Variants in MRPS16 observed in about 807,000 individuals in gnomAD.
MRPS16 encodes the protein small ribosomal subunit protein bS16m.
Under a neutral mutation model 11.0 loss-of-function variants are expected in MRPS16, and 5 were observed. The ratio of observed to expected loss-of-function variants is 0.46; its 90% CI spans 0.24 to 0.96. The LOEUF is 0.96. MRPS16 is among the 40% of genes least tolerant of loss of function. MRPS16 has a pLI of 0.20. For synonymous variants in MRPS16, 76 were observed against 65.0 expected, an observed-to-expected ratio of 1.17 and a Z score of -0.81; for missense variants, 179 against 174.4, an observed-to-expected ratio of 1.03 and a Z score of -0.15.
intron 1 of MRPS16, 63 bp from the exon 2 acceptor site, chr10:73,252,086 G>A (rs1367310008): frequency 1.3e-6 from 2 of 1,565,948 alleles, no homozygotes; most frequent in Non-Finnish European, 1.7e-6. Context: ...TGACACAGAC[G>A]GCACAATTCC....
In MRPS16 at chr10:73,250,806, G is replaced by A; in HGVS notation, c.*46C>T. ...TAAGATCGCTGCAGTGTTTCAAAAG[G>A]ACCTTGACCTTGTTCCCACTGCTAT... On this transcript the variant is annotated 3_prime_UTR_variant, in exon 3 of 3. Coordinates refer to ENST00000372945, the MANE Select transcript of MRPS16 (RefSeq NM_016065.4). 6.2e-7 allele frequency: 1 copy of A among 1,607,958 alleles called. No individual in the cohort carries two copies. The highest frequency in any genetic ancestry group is 1.1e-5 in the South Asian group (1 of 90,864).
chr10:73,249,459 C>G lies in MRPS16; in HGVS notation c.*1393G>C. 2 of 794,202 alleles carry G rather than the reference C, an allele frequency of 2.5e-6. No individual in the cohort carries two copies. Among genetic ancestry groups the G allele is most frequent in the East Asian group, 2.7e-5 (1 of 36,516 alleles). The allele number at this position is 794,202 out of a possible 1,614,324, so 49.2% of individuals were successfully genotyped here. On this transcript the variant is annotated 3_prime_UTR_variant, in exon 3 of 3. Coordinates refer to ENST00000372945, the MANE Select transcript of MRPS16 (RefSeq NM_016065.4). ...AAGATACAAGAAGTAAAATGCAACA[C>G]TCATTACAGGTTGTCAACATTATTG...
In MRPS16 at chr10:73,252,635, G is replaced by A. The variant is rs979348815; in HGVS notation, c.-153C>T. 9 of 1,080,524 alleles carry A rather than the reference G, an allele frequency of 8.3e-6. No individual in the cohort carries two copies. Among genetic ancestry groups the A allele is most frequent in the Admixed American group, 2.1e-5 (1 of 46,726 alleles). 66.9% of individuals were successfully genotyped at this position (1,080,524 alleles called of 1,614,324 possible). A position where few individuals can be genotyped will look rare whatever the true frequency, so the allele number is the denominator to read the frequency against. On this transcript the variant is annotated 5_prime_UTR_variant, in exon 1 of 3. Coordinates refer to ENST00000372945, the MANE Select transcript of MRPS16 (RefSeq NM_016065.4). Reference sequence around the variant, plus strand: ...GTACAAGCCCGAAAACCTCGACTCCGGAAGCGGATGATCCGCTCGCCACGC... The same window carrying A: ...GTACAAGCCCGAAAACCTCGACTCCAGAAGCGGATGATCCGCTCGCCACGC...
At chr10:73,251,670 C>A in intron 2 of MRPS16, 93 bp downstream of exon 2, 1 of 1,571,894 alleles carries the variant, frequency 6.4e-7, no homozygotes. Context: ...CGTGAGCCAC[C>A]GTGCCCAGCC....
intron 2 of MRPS16, among the ~76,000 whole-genome samples, chr10:73,251,437 G>A (rs1017936977): frequency 4.0e-5 from 6 of 151,786 alleles, no homozygotes; most frequent in South Asian, 2.1e-4. Flanking sequence ...GTGCAGTGAC[G>A]CGATCTTGGC....
intron 2 of MRPS16, among the ~76,000 whole-genome samples, chr10:73,251,483 C>T (rs1275977590): frequency 6.6e-6 from 1 of 152,122 alleles, no homozygotes; most frequent in Non-Finnish European, 1.5e-5. Flanking sequence ...TCAAGCGATT[C>T]TCCTGCCTCA....
chr10:73,251,860 G>A lies in MRPS16; in HGVS notation c.177C>T (p.Asn59=), dbSNP rs776136128. 2 of 1,614,192 alleles carry A rather than the reference G, an allele frequency of 1.2e-6. No individual in the cohort carries two copies. The highest frequency in any genetic ancestry group is 1.7e-6 in the Non-Finnish European group (2 of 1,180,046). The change falls in exon 2 of 3, where the codon AAC becomes AAT. Residue 59 remains asparagine, a synonymous_variant. Coordinates refer to ENST00000372945, the MANE Select transcript of MRPS16 (RefSeq NM_016065.4). ...EQLGSYDPLP[N]SHGEKLVALN... ...GGGCAACGAGTTTTTCTCCATGACTGTTGGGCAATGGATCATAGGAGCCCA... is the reference window on the plus strand; with the variant it reads ...GGGCAACGAGTTTTTCTCCATGACTATTGGGCAATGGATCATAGGAGCCCA...
At position 73,249,485 on chromosome 10, in the gene MRPS16, G is replaced by T. The variant is rs2044055771; in HGVS notation, c.*1367C>A. 1 of 658,374 alleles carries T rather than the reference G, an allele frequency of 1.5e-6. No individual in the cohort carries two copies. The highest frequency in any genetic ancestry group is 3.0e-5 in the Admixed American group (1 of 32,912). The allele number at this position is 658,374 out of a possible 1,614,324, so 40.8% of individuals were successfully genotyped here. Reference sequence around the variant, plus strand: ...TCATTACAGGTTGTCAACATTATTGGTATACAGTTTATCCTAACACAGAGC... The same window carrying T: ...TCATTACAGGTTGTCAACATTATTGTTATACAGTTTATCCTAACACAGAGC... On this transcript the variant is annotated 3_prime_UTR_variant, in exon 3 of 3. Coordinates refer to ENST00000372945, the MANE Select transcript of MRPS16 (RefSeq NM_016065.4).
At position 73,250,764 on chromosome 10, in the gene MRPS16, T is replaced by C. The variant is rs1330653744; in HGVS notation, c.*88A>G. 8.3e-6 allele frequency: 13 copies of C among 1,557,686 alleles called. No homozygotes were observed. In the East Asian group the frequency reaches 2.9e-4, roughly 35 times the overall value. On this transcript the variant is annotated 3_prime_UTR_variant, in exon 3 of 3. Transcript: ENST00000372945. Reference sequence around the variant, plus strand: ...ACTCAGGATACTCCATTTATTGAACTCCAAATCTAACAAAATTAAGATCGC... The same window carrying C: ...ACTCAGGATACTCCATTTATTGAACCCCAAATCTAACAAAATTAAGATCGC...
intron 2 of MRPS16, among the ~76,000 whole-genome samples, chr10:73,251,216 G>A (rs913655265): frequency 6.6e-6 from 1 of 152,026 alleles, no homozygotes; most frequent in African/African-American, 2.4e-5. Context: ...CTGACAGATG[G>A]CCATTCAAAA....
Position 73,251,764 on chromosome 10 carries a change from C to T in MRPS16, c.273G>A (p.Leu91=), listed in dbSNP as rs1217289015. ...AAGGTAAGACCAGAGCTGAGTTACC[C>T]AGAAGCTTTTCCATAGGCTTAGAGA... is the stretch of plus-strand genomic sequence containing the variant. ...AHLSKPMEKL[L]GLAGFFPLHP... Residue 91 remains leucine (L), a splice_region_variant and synonymous_variant, in exon 2 of 3, where the codon CTG becomes CTA. Coordinates refer to ENST00000372945, the MANE Select transcript of MRPS16 (RefSeq NM_016065.4). 6.2e-7 allele frequency: 1 copy of T among 1,614,052 alleles called. No individual in the cohort carries two copies. Among genetic ancestry groups the T allele is most frequent in the African/African-American group, 1.3e-5 (1 of 74,922 alleles).
In MRPS16 at chr10:73,250,506, G is replaced by C. The variant is rs2044074363; in HGVS notation, c.*346C>G. On this transcript the variant is annotated 3_prime_UTR_variant, in exon 3 of 3. Transcript: ENST00000372945. ...TGGGATGAACATGAAGATCTGAATG[G>C]GCCATGAATAGTCTGGCTGGGGGTT... The C allele has an allele frequency of 2.9e-6, 1 of 350,346 alleles. No individual in the cohort carries two copies. Among genetic ancestry groups the C allele is most frequent in the African/African-American group, 2.1e-5 (1 of 47,546 alleles). 21.7% of individuals were successfully genotyped at this position (350,346 alleles called of 1,614,324 possible). A position where few individuals can be genotyped will look rare whatever the true frequency, so the allele number is the denominator to read the frequency against.
At chr10:73,251,541 A>C (rs910141212) in intron 2 of MRPS16, among the ~76,000 whole-genome samples, 1 of 147,778 alleles carries the variant, frequency 6.8e-6, no homozygotes, top group African/African-American at 2.5e-5. Flanking sequence ...ACGCCCAACT[A>C]ATTTTTTTTT....
rs1232777265 is a variant in MRPS16 at position 73,251,782 on chromosome 10, C to T, written c.255G>A (p.Lys85=). ...HWIGCGAHLS[K]PMEKLLGLAG... ...AGTTACCCAGAAGCTTTTCCATAGG[C>T]TTAGAGAGGTGGGCCCCGCAGCCAA... The change falls in exon 2 of 3, where the codon AAG becomes AAA. Residue 85 remains lysine (K), a synonymous_variant. Coordinates refer to ENST00000372945, the MANE Select transcript of MRPS16 (RefSeq NM_016065.4). 6.2e-7 allele frequency: 1 copy of T among 1,614,080 alleles called. No individual in the cohort carries two copies. The highest frequency in any genetic ancestry group is 8.5e-7 in the Non-Finnish European group (1 of 1,180,042).
rs1378113971 is a variant in MRPS16, at chr10:73,250,744, G to A, written c.*108C>T. 6.9e-7 allele frequency: 1 copy of A among 1,459,454 alleles called. No individual in the cohort carries two copies. Among genetic ancestry groups the A allele is most frequent in the Non-Finnish European group, 9.5e-7 (1 of 1,053,870 alleles). 90.4% of individuals were successfully genotyped at this position (1,459,454 alleles called of 1,614,324 possible). ...AGGCCAGAAGAGCAAGGGCAACTCA[G>A]GATACTCCATTTATTGAACTCCAAA... On this transcript the variant is annotated 3_prime_UTR_variant, in exon 3 of 3. Transcript: ENST00000372945.
chr10:73,249,443 GAAGT>G lies in MRPS16; in HGVS notation c.*1405_*1408del, dbSNP rs1564725635. 3.3e-6 allele frequency: 3 copies of G among 912,416 alleles called. No individual in the cohort carries two copies. Among genetic ancestry groups the G allele is most frequent in the Non-Finnish European group, 4.8e-6 (3 of 621,836 alleles). 56.5% of individuals were successfully genotyped at this position (912,416 alleles called of 1,614,324 possible). ...TCAAGGTAGGAAGGAAAAGATACAA[GAAGT>G]AAAATGCAACACTCATTACAGGTTG... is the stretch of plus-strand genomic sequence containing the variant. On this transcript the variant is annotated 3_prime_UTR_variant, in exon 3 of 3. Coordinates refer to ENST00000372945, the MANE Select transcript of MRPS16 (RefSeq NM_016065.4).
chr10:73,252,307 G>A, intron 1 of MRPS16, 163 bp downstream of exon 1: 2 of 1,206,006 alleles, frequency 1.7e-6, no homozygotes, highest in Non-Finnish European at 2.4e-6. Flanking sequence ...TTTCAGCGGT[G>A]ATTAAGTGGG....
rs147014196 is a variant in MRPS16 at position 73,251,098 on chromosome 10, T to C, written c.275-107A>G. 4.3e-4 allele frequency: 567 copies of C among 1,311,662 alleles called. 6 individuals carry two copies. In the East Asian group the frequency reaches 0.013, roughly 31 times the overall value. 81.3% of individuals were successfully genotyped at this position (1,311,662 alleles called of 1,614,324 possible). ...TCTGAGATCTGACCCAGTGCATGGA[T>C]GCAAACCATGCTCCTCACTTGCCAA... On this transcript the variant is annotated intron_variant, in intron 2 of 2. Coordinates refer to ENST00000372945, the MANE Select transcript of MRPS16 (RefSeq NM_016065.4).
rs113258240 is a variant in MRPS16, at chr10:73,250,384, C to CAAAAAAAAAAAAAAAAAAAAAA, written c.*467_*468insTTTTTTTTTTTTTTTTTTTTTT. 1.1e-5 allele frequency: 1 copy of CAAAAAAAAAAAAAAAAAAAAAA among 95,088 alleles called. No homozygotes were observed. The highest frequency in any genetic ancestry group is 4.1e-5 in the African/African-American group (1 of 24,432). 5.9% of individuals were successfully genotyped at this position (95,088 alleles called of 1,614,324 possible). A position where few individuals can be genotyped will look rare whatever the true frequency, so the allele number is the denominator to read the frequency against. On this transcript the variant is annotated 3_prime_UTR_variant, in exon 3 of 3. Transcript: ENST00000372945. ...CTGGCAACAGAACAAGACTCCGTCT[C>CAAAAAAAAAAAAAAAAAAAAAA]AAAAAAAAAAAAAAAAAGAGAATAT...
Sources: gnomAD v4.1 joint callset for allele counts (sites outside exome capture counted in the v4.1 genomes callset) on GRCh38, gnomAD v4.1.1 for gene constraint, MANE v1.5 for transcripts, NCBI Gene and HGNC (gene_info 2026-07-23, HGNC 2026-07-21) for gene names.